The following TMEM120B variants were observed in gnomAD, a reference collection of about 807,000 sequenced individuals.
The protein encoded by TMEM120B is transmembrane protein 120B.
In TMEM120B, 31 loss-of-function variants were observed where a neutral mutation model predicts 55.5. The ratio of observed to expected loss-of-function variants is 0.56; its 90% CI spans 0.42 to 0.75. The LOEUF (loss-of-function observed/expected upper bound fraction) is 0.75. Ranked by LOEUF, TMEM120B falls within the 30% of genes least tolerant of loss-of-function variation. The probability of loss-of-function intolerance (pLI) is 0.00; values close to 1 mark genes in which losing one functional copy is unlikely to be tolerated. For synonymous variants in TMEM120B, 203 were observed against 176.3 expected, an observed-to-expected ratio of 1.15 and a Z score of -1.20; for missense variants, 399 against 425.5, an observed-to-expected ratio of 0.94 and a Z score of 0.55.
chr12:121,723,833 G>A (rs1198526441), intron 1 of TMEM120B, among the ~76,000 whole-genome samples: 1 of 152,054 alleles, frequency 6.6e-6, no homozygotes, highest in Non-Finnish European at 1.5e-5. Flanking sequence ...TTGAGACAAG[G>A]TCTCTGACAC....
intron 6 of TMEM120B, among the ~76,000 whole-genome samples, chr12:121,770,143 G>T (rs1397342580): frequency 6.6e-6 from 1 of 152,154 alleles, no homozygotes; most frequent in African/African-American, 2.4e-5. Context: ...AAGCCACAGA[G>T]TGTATTTCCT....
At chr12:121,753,018 G>C (rs1447708193) in intron 5 of TMEM120B, among the ~76,000 whole-genome samples, 2 of 152,138 alleles carry the variant, frequency 1.3e-5, no homozygotes, top group East Asian at 3.8e-4. Context: ...TGAGATGGGA[G>C]GACTGTTTGA....
intron 5 of TMEM120B, chr12:121,759,014 T>C: frequency 1.0e-6 from 1 of 985,406 alleles, no homozygotes; most frequent in Non-Finnish European, 1.2e-6. Context: ...TATGGCCCAC[T>C]GGGATTTTTT....
At chr12:121,725,135 A>C (rs1360845010) in intron 1 of TMEM120B, among the ~76,000 whole-genome samples, 1 of 152,004 alleles carries the variant, frequency 6.6e-6, no homozygotes, top group Non-Finnish European at 1.5e-5. Context: ...TATTCTATGA[A>C]GTGTGCTTTG....
At chr12:121,736,359 G>T (rs556721689) in intron 1 of TMEM120B, among the ~76,000 whole-genome samples, 1 of 148,754 alleles carries the variant, frequency 6.7e-6, no homozygotes, top group Non-Finnish European at 1.5e-5. Context: ...TAGTAGAGAC[G>T]GGGTTTTACC....
At position 121,775,603 on chromosome 12, in the gene TMEM120B, C is replaced by G. The variant is rs370620004; in HGVS notation, c.907-6C>G. ...CAGCCTCGCCCTCCTCTCTGGACTC[C>G]CCCAGGTGTTCGTACTGGCGTTCAC... On this transcript the variant is annotated splice_polypyrimidine_tract_variant and splice_region_variant and intron_variant, in intron 11 of 11. Coordinates refer to ENST00000449592, the MANE Select transcript of TMEM120B (RefSeq NM_001080825.2). The surrounding 1 kb of genome is among the most constrained non-coding windows in gnomAD (Gnocchi z 4.3). The G allele has an allele frequency of 1.9e-6, 3 of 1,612,802 alleles. No individual in the cohort carries two copies. Among genetic ancestry groups the G allele is most frequent in the Middle Eastern group, 1.7e-4 (1 of 6,048 alleles).
intron 6 of TMEM120B, among the ~76,000 whole-genome samples, chr12:121,770,669 C>G (rs932613809): frequency 6.6e-6 from 1 of 152,048 alleles, no homozygotes; most frequent in Admixed American, 6.6e-5. Context: ...CTGAGGGTTG[C>G]TGGAAACCAC....
At chr12:121,772,804 T>C (rs1874108357) in intron 8 of TMEM120B, among the ~76,000 whole-genome samples, 1 of 152,208 alleles carries the variant, frequency 6.6e-6, no homozygotes, top group African/African-American at 2.4e-5. Flanking sequence ...AAGCCAAGAA[T>C]GGAAATTGTA....
At chr12:121,722,902 G>A (rs1894822673) in intron 1 of TMEM120B, among the ~76,000 whole-genome samples, 1 of 147,566 alleles carries the variant, frequency 6.8e-6, no homozygotes, top group Non-Finnish European at 1.5e-5. Flanking sequence ...AGGCTGGAGT[G>A]CAATGGCGCG....
At chr12:121,716,232 C>G (rs1894699615) in intron 1 of TMEM120B, among the ~76,000 whole-genome samples, 1 of 151,106 alleles carries the variant, frequency 6.6e-6, no homozygotes, top group Non-Finnish European at 1.5e-5. Context: ...TGTTTGAGCC[C>G]CAGAGGTCAA....
At chr12:121,716,627 A>G (rs1296496960) in intron 1 of TMEM120B, among the ~76,000 whole-genome samples, 2 of 148,848 alleles carry the variant, frequency 1.3e-5, no homozygotes, top group South Asian at 2.1e-4. Context: ...CAGTGGCACA[A>G]TCTTGGCTCA....
rs747662794 is a variant in TMEM120B, at chr12:121,780,945, G to A, written c.*5223G>A. 6.2e-7 allele frequency: 1 copy of A among 1,613,996 alleles called. No homozygotes were observed. The highest frequency in any genetic ancestry group is 1.3e-5 in the African/African-American group (1 of 74,926). On this transcript the variant is annotated 3_prime_UTR_variant, in exon 12 of 12. Transcript: ENST00000449592. ...CTGCTCCTTGTCCTTCCTCAGGTCT[G>A]TCTTGCAGCCGATGAGCACCATGGG...
rs186556547 is a variant in TMEM120B, at chr12:121,753,629, A to C, written c.461+1406A>C. Among the ~76,000 whole-genome samples the C allele has an allele frequency of 1.6e-4, 24 of 152,294 alleles. 1 individual carries two copies. Among genetic ancestry groups the C allele is most frequent in the African/African-American group, 5.1e-4 (21 of 41,564 alleles). On this transcript the variant is annotated intron_variant, in intron 5 of 11. Coordinates refer to ENST00000449592, the MANE Select transcript of TMEM120B (RefSeq NM_001080825.2). ...GTTAGGTAATGGTTGTACAACTCTG[A>C]ATATACTAAAAATCACTAAATTATA...
intron 2 of TMEM120B, among the ~76,000 whole-genome samples, chr12:121,746,218 G>A (rs577948308): frequency 1.5e-5 from 2 of 132,066 alleles, no homozygotes; most frequent in Middle Eastern, 6.1e-3. Context: ...ACAGAGTTTC[G>A]CTCTTGTTGC....
At chr12:121,758,076 G>A (rs1024094869) in intron 5 of TMEM120B, 68 of 759,956 alleles carry the variant, frequency 8.9e-5, no homozygotes, top group East Asian at 2.6e-4. Context: ...CCATGATCAC[G>A]TCACTGCACT....
At chr12:121,764,058 C>A (rs1195223921) in intron 6 of TMEM120B, among the ~76,000 whole-genome samples, 2 of 150,690 alleles carry the variant, frequency 1.3e-5, no homozygotes, top group Non-Finnish European at 3.0e-5. Flanking sequence ...CATGGTGGCT[C>A]ACGCCTGTAA....
chr12:121,727,873 C>CAAAAAAA (rs10710244), intron 1 of TMEM120B, among the ~76,000 whole-genome samples: 1 of 80,584 alleles, frequency 1.2e-5, no homozygotes, highest in Non-Finnish European at 2.3e-5. Context: ...CACTCCATCT[C>CAAAAAAA]AAAAAAAAAA....
At position 121,770,955 on chromosome 12, in the gene TMEM120B, C is replaced by G. The variant is rs747572526; in HGVS notation, c.600C>G (p.Ser200=). Residue 200 remains serine (S), a synonymous_variant, in exon 7 of 12, where the codon TCC becomes TCG. Coordinates refer to ENST00000449592, the MANE Select transcript of TMEM120B (RefSeq NM_001080825.2). ...ACCACTACGTCTCCACATTCCTGTCCGGAGTGATGCTGACCTGGTGAGTAG... is the reference window on the plus strand; with the variant it reads ...ACCACTACGTCTCCACATTCCTGTCGGGAGTGATGCTGACCTGGTGAGTAG... The part of the protein sequence containing the change: ...VSHHYVSTFL[S]GVMLTWPNGP... 1 of 1,614,028 alleles carries G rather than the reference C, an allele frequency of 6.2e-7. No homozygotes were observed. The highest frequency in any genetic ancestry group is 8.5e-7 in the Non-Finnish European group (1 of 1,179,962).
chr12:121,728,773 C>T (rs1001293499), intron 1 of TMEM120B, among the ~76,000 whole-genome samples: 8 of 152,184 alleles, frequency 5.3e-5, no homozygotes, highest in African/African-American at 1.4e-4. Context: ...ATTAGGGCTC[C>T]GCTTTCATCT....
Sources: allele counts gnomAD v4.1 joint callset (sites outside exome capture counted in the v4.1 genomes callset), GRCh38; gene constraint gnomAD v4.1.1; non-coding constraint Gnocchi (gnomAD v3.1); transcripts MANE v1.5; gene names NCBI Gene and HGNC (gene_info 2026-07-23, HGNC 2026-07-21).